ALDH3B1: variants seen among roughly 807,000 people sequenced by gnomAD.
ALDH3B1 encodes aldehyde dehydrogenase 3 family member B1.
ALDH3B1 carries 37 observed loss-of-function variants against 46.2 expected under a neutral mutation model. The ratio of observed to expected loss-of-function variants is 0.80; its 90% CI spans 0.62 to 1.05. The LOEUF (loss-of-function observed/expected upper bound fraction) is 1.05, where lower values mean the gene tolerates loss of function less well. Ranked by LOEUF, ALDH3B1 falls within the 50% of genes least tolerant of loss-of-function variation. The pLI is 0.00. For missense variants in ALDH3B1, 603 were observed against 665.5 expected, an observed-to-expected ratio of 0.91 and a Z score of 1.03; for synonymous variants, 283 against 281.0, an observed-to-expected ratio of 1.01 and a Z score of -0.07.
rs535482432 is a variant in ALDH3B1 at position 68,020,391 on chromosome 11, G to T, written c.562+595G>T. Among the ~76,000 whole-genome samples, 36 of 151,954 alleles carry T rather than the reference G, an allele frequency of 2.4e-4. No homozygotes were observed. In the South Asian group the frequency reaches 6.9e-3, roughly 29 times the overall value. ...TGGGGTGACAGGCATGTACCACCAC[G>T]CCCGGCTAATTTTTTGTATTTTTAG... On this transcript the variant is annotated intron_variant, in intron 6 of 9. Transcript: ENST00000342456.
chr11:68,026,477 G>T (rs1482401789), intron 9 of ALDH3B1, among the ~76,000 whole-genome samples: 1 of 152,118 alleles, frequency 6.6e-6, no homozygotes, highest in East Asian at 1.9e-4. Flanking sequence ...AATGCCGCCG[G>T]TGTCCTTTAC....
upstream of ALDH3B1, among the ~76,000 whole-genome samples, chr11:68,008,871 C>T (rs910938077): frequency 4.6e-5 from 7 of 152,206 alleles, no homozygotes; most frequent in Admixed American, 6.5e-5. Flanking sequence ...CACCCTGTCC[C>T]CTGCCTGTCC....
rs367869172 is a variant in ALDH3B1 at position 68,021,560 on chromosome 11, G to A, written c.638G>A (p.Gly213Asp). The change falls in exon 7 of 10, where the codon GGC (glycine) becomes GAC (aspartate). Residue 213 changes from glycine (G) to aspartate (D), a missense_variant. Physicochemically the swap from Gly to Asp is moderately conservative, Grantham distance 94. Transcript: ENST00000342456. ...ACACCTGTCACCCTGGAGCTGGGGG[G>A]CAAGAACCCTTGCTACGTGGACGAC... ...HLTPVTLELGGKNPCYVDDNC... is the reference protein window; with the variant it reads ...HLTPVTLELGDKNPCYVDDNC... 1.8e-5 allele frequency: 29 copies of A among 1,613,962 alleles called. No individual in the cohort carries two copies. Among genetic ancestry groups the A allele is most frequent in the Middle Eastern group, 1.6e-4 (1 of 6,084 alleles).
intron 6 of ALDH3B1, among the ~76,000 whole-genome samples, chr11:68,020,897 A>G (rs185339895): frequency 2.0e-5 from 3 of 152,194 alleles, no homozygotes; most frequent in African/African-American, 7.2e-5. Flanking sequence ...GGCTGTGTGC[A>G]TGCGGAGACT....
At chr11:68,026,646 G>A (rs1019171457) in intron 9 of ALDH3B1, among the ~76,000 whole-genome samples, 5 of 152,122 alleles carry the variant, frequency 3.3e-5, no homozygotes, top group Admixed American at 3.3e-4. Context: ...CCTCAGAGAT[G>A]GTCCTAGCAA....
chr11:68,019,834 G>T, intron 6 of ALDH3B1, 38 bp downstream of exon 6: 1 of 1,605,988 alleles, frequency 6.2e-7, no homozygotes, highest in Non-Finnish European at 8.5e-7. Flanking sequence ...GCTGGGGTCG[G>T]GGAGGACAGC....
At chr11:68,024,363 G>A (rs769335191) in intron 8 of ALDH3B1, 1 of 152,208 alleles carries the variant, frequency 6.6e-6, no homozygotes, top group Non-Finnish European at 1.5e-5. Flanking sequence ...TTTATTATTT[G>A]GAAGCAAGTC....
rs1857406124 is a variant in ALDH3B1 at position 68,018,581 on chromosome 11, C to T, written c.217C>T (p.Leu73=). ...TGCCATCAGCCAGGGCGAGGTCACC[C>T]TGGCCCTCAGGAACCTCCGGGCCTG... ...EVAISQGEVT[L]ALRNLRAWMK... Residue 73 remains leucine (L), a synonymous_variant, in exon 3 of 10, where the codon CTG becomes TTG. Coordinates refer to ENST00000342456, the MANE Select transcript of ALDH3B1 (RefSeq NM_000694.4). 1 of 1,584,806 alleles carries T rather than the reference C, an allele frequency of 6.3e-7. No individual in the cohort carries two copies. Among genetic ancestry groups the T allele is most frequent in the African/African-American group, 1.3e-5 (1 of 74,218 alleles).
intron 9 of ALDH3B1, 131 bp from the exon 10 acceptor site, chr11:68,027,618 C>T (rs1411481163): frequency 2.1e-6 from 2 of 971,650 alleles, no homozygotes; most frequent in African/African-American, 1.6e-5. Context: ...ACACACAGTG[C>T]CTCATGATCA....
At chr11:68,018,968 G>T in intron 4 of ALDH3B1, 75 bp downstream of exon 4, 1 of 1,505,900 alleles carries the variant, frequency 6.6e-7, no homozygotes, top group Non-Finnish European at 8.9e-7. Flanking sequence ...ATCCCAGGAG[G>T]ACATGGGAGA....
At position 68,018,546 on chromosome 11, in the gene ALDH3B1, T is replaced by C; in HGVS notation, c.182T>C (p.Val61Ala). 1 of 1,569,286 alleles carries C rather than the reference T, an allele frequency of 6.4e-7. No homozygotes were observed. Among genetic ancestry groups the C allele is most frequent in the Non-Finnish European group, 8.6e-7 (1 of 1,157,400 alleles). The change falls in exon 3 of 10, where the codon GTG (valine) becomes GCG (alanine). Residue 61 changes from valine to alanine, a missense_variant. Val to Ala is a moderately conservative substitution (Grantham distance 64). Transcript: ENST00000342456. ...DLHKSAFESEVSEVAISQGEV... is the reference protein window; with the variant it reads ...DLHKSAFESEASEVAISQGEV... The stretch of plus-strand genomic sequence containing the variant: ...CTGCAGTCAGCCTTCGAGTCGGAGG[T>C]GTCTGAGGTTGCCATCAGCCAGGGC...
At chr11:68,019,633 C>A (rs1857439261) in intron 5 of ALDH3B1, 82 bp from the exon 6 acceptor site, 2 of 1,478,778 alleles carry the variant, frequency 1.4e-6, no homozygotes, top group Admixed American at 3.5e-5. Flanking sequence ...GGAGGCAGGG[C>A]AGGGTCCAGG....
chr11:68,014,521 C>G (rs879850226), intron 1 of ALDH3B1, among the ~76,000 whole-genome samples: 1 of 152,212 alleles, frequency 6.6e-6, no homozygotes, highest in Non-Finnish European at 1.5e-5. Flanking sequence ...CCTACCCTGC[C>G]TGCCAGCTCT....
intron 6 of ALDH3B1, among the ~76,000 whole-genome samples, chr11:68,020,861 G>A (rs1857474565): frequency 6.6e-6 from 1 of 152,200 alleles, no homozygotes; most frequent in South Asian, 2.1e-4. Context: ...GAGGCCTTGA[G>A]GCCCAGACAG....
At position 68,023,994 on chromosome 11, in the gene ALDH3B1, A is replaced by C. The variant is rs568552709; in HGVS notation, c.1116+1233A>C. ...ATAAAAAAAAAAAAAAAGTGACAGC[A>C]GTGCTTTACTATTAACTACACTCTA... On this transcript the variant is annotated intron_variant, in intron 8 of 9. Transcript: ENST00000342456. Among the ~76,000 whole-genome samples, 3 of 150,136 alleles carry C rather than the reference A, an allele frequency of 2.0e-5. No individual in the cohort carries two copies. In the South Asian group the frequency reaches 6.3e-4, roughly 31 times the overall value.
At chr11:68,022,981 C>G (rs1857541055) in intron 8 of ALDH3B1, among the ~76,000 whole-genome samples, 1 of 152,208 alleles carries the variant, frequency 6.6e-6, no homozygotes, top group Admixed American at 6.5e-5. Flanking sequence ...TGGGCAGCTT[C>G]CTGGGGTATG....
At chr11:68,023,202 A>G (rs1477419311) in intron 8 of ALDH3B1, among the ~76,000 whole-genome samples, 1 of 152,114 alleles carries the variant, frequency 6.6e-6, no homozygotes, top group African/African-American at 2.4e-5. Flanking sequence ...GCCCAAGGCC[A>G]GAGTCCTCAG....
chr11:68,023,811 G>T lies in ALDH3B1; in HGVS notation c.1116+1050G>T, dbSNP rs187329898. Among the ~76,000 whole-genome samples, 136 of 152,030 alleles carry T rather than the reference G, an allele frequency of 8.9e-4. 1 individual carries two copies. The East Asian group carries it at 0.019, about 21-fold the overall frequency. On this transcript the variant is annotated intron_variant, in intron 8 of 9. Coordinates refer to ENST00000342456, the MANE Select transcript of ALDH3B1 (RefSeq NM_000694.4). ...AATCTCAGCACTTTGGGAGGCCAAG[G>T]TGGGAGGATTGCTTGAGCTCATGAG...
chr11:68,019,262 A>T lies in ALDH3B1; in HGVS notation c.480+7A>T, dbSNP rs775129848. 6 of 1,611,298 alleles carry T rather than the reference A, an allele frequency of 3.7e-6. No homozygotes were observed. The African/African-American group carries it at 8.0e-5, about 22-fold the overall frequency. On this transcript the variant is annotated splice_region_variant and intron_variant, in intron 5 of 9. Transcript: ENST00000342456. ...GCCCCAATACGTGGACCAGGTGAGCAGGGCTGCCGGGCAGGTAGAGCGGGA... is the reference window on the plus strand; with the variant it reads ...GCCCCAATACGTGGACCAGGTGAGCTGGGCTGCCGGGCAGGTAGAGCGGGA...
Sources: gnomAD v4.1 joint callset for allele counts (sites outside exome capture counted in the v4.1 genomes callset) on GRCh38, gnomAD v4.1.1 for gene constraint, MANE v1.5 for transcripts, NCBI Gene and HGNC (gene_info 2026-07-23, HGNC 2026-07-21) for gene names.